The following PLCXD2 variants were observed in gnomAD, a reference collection of about 807,000 sequenced individuals.
PLCXD2 encodes PI-PLC X domain-containing protein 2.
In PLCXD2, 21 loss-of-function variants were observed where a neutral mutation model predicts 28.6. The observed-to-expected ratio is 0.73, with a 90% CI of 0.52 to 1.06. The LOEUF (loss-of-function observed/expected upper bound fraction) is 1.06. Among genes scored for constraint, PLCXD2 ranks in the 50% least tolerant of loss-of-function variants. The pLI is 0.00. For synonymous variants in PLCXD2, 140 were observed against 150.1 expected (o/e 0.93, Z 0.49); for missense variants, 369 against 376.7 (o/e 0.98, Z 0.17).
At chr3:111,701,194 CTAAG>C (rs60953043) in intron 1 of PLCXD2, among the ~76,000 whole-genome samples, 153 of 152,314 alleles carry the variant, frequency 1.0e-3, no homozygotes, top group African/African-American at 3.4e-3. Context: ...TCAGCACTTA[CTAAG>C]TGTCAGTATT....
At chr3:111,695,839 G>C (rs1290231928) in intron 1 of PLCXD2, among the ~76,000 whole-genome samples, 2 of 152,126 alleles carry the variant, frequency 1.3e-5, no homozygotes, top group African/African-American at 4.8e-5. Flanking sequence ...CCTCAGAATG[G>C]GGCACAATTT....
intron 2 of PLCXD2, among the ~76,000 whole-genome samples, chr3:111,709,569 G>A (rs1941172090): frequency 6.6e-6 from 1 of 152,206 alleles, no homozygotes; most frequent in African/African-American, 2.4e-5. Flanking sequence ...CCAGGATTCT[G>A]TGGGTTGGAG....
chr3:111,697,181 G>A (rs1431608819), intron 1 of PLCXD2, among the ~76,000 whole-genome samples: 2 of 152,020 alleles, frequency 1.3e-5, no homozygotes, highest in Non-Finnish European at 2.9e-5. Context: ...AAATCCCATC[G>A]TGTGAGCTAG....
At chr3:111,675,543 T>G (rs527410158) in intron 1 of PLCXD2, 135 bp downstream of exon 1, 5 of 994,686 alleles carry the variant, frequency 5.0e-6, no homozygotes, top group Non-Finnish European at 7.8e-6. Flanking sequence ...ACCAAAAACT[T>G]AACACTGAAG....
At position 111,708,298 on chromosome 3, in the gene PLCXD2, G is replaced by A. The variant is rs367817783; in HGVS notation, c.536G>A (p.Arg179Gln). 36 of 1,613,976 alleles carry A rather than the reference G, an allele frequency of 2.2e-5. No individual in the cohort carries two copies. Among genetic ancestry groups the A allele is most frequent in the Admixed American group, 5.0e-5 (3 of 59,998 alleles). ...ACCCATCACAAATGCCTGGTTCTGC[G>A]GATCCAGGAGGCCTTTGGAAACAAG... is the stretch of plus-strand genomic sequence containing the variant. Residue 179 changes from arginine to glutamine, a missense_variant, in exon 2 of 5, where the codon CGG (arginine) becomes CAG (glutamine). Coordinates refer to ENST00000477665, the MANE Select transcript of PLCXD2 (RefSeq NM_001185106.1).
At chr3:111,680,316 T>C (rs1016829574) in intron 1 of PLCXD2, among the ~76,000 whole-genome samples, 1 of 152,120 alleles carries the variant, frequency 6.6e-6, no homozygotes, top group African/African-American at 2.4e-5. Context: ...AAATAAATTG[T>C]GTAACAAGAA....
chr3:111,700,853 CAG>C (rs1200055270), intron 1 of PLCXD2, among the ~76,000 whole-genome samples: 3 of 151,458 alleles, frequency 2.0e-5, no homozygotes, highest in Admixed American at 6.6e-5. Flanking sequence ...GGCGGGGGGT[CAG>C]GGGCAGAATA....
At chr3:111,702,139 C>G (rs1941052820) in intron 1 of PLCXD2, among the ~76,000 whole-genome samples, 1 of 151,922 alleles carries the variant, frequency 6.6e-6, no homozygotes, top group Admixed American at 6.6e-5. Context: ...GAACAGATCC[C>G]TGGAAAACAT....
At chr3:111,711,546 G>A (rs150424884) in intron 2 of PLCXD2, among the ~76,000 whole-genome samples, 377 of 152,248 alleles carry the variant, frequency 2.5e-3, no homozygotes, top group African/African-American at 8.2e-3. Context: ...AAGCCCCTGC[G>A]TATTTTATTA....
rs147048469 is a variant in PLCXD2, at chr3:111,708,000, C to T, written c.238C>T (p.Arg80Cys). The T allele has an allele frequency of 4.1e-5, 66 of 1,614,030 alleles. No individual in the cohort carries two copies. The highest frequency in any genetic ancestry group is 1.9e-4 in the African/African-American group (14 of 74,904). The change falls in exon 2 of 5, where the codon CGC becomes TGC. Residue 80 changes from arginine (R) to cysteine (C), a missense_variant. Coordinates refer to ENST00000477665, the MANE Select transcript of PLCXD2 (RefSeq NM_001185106.1). ...GCCTGACCAAACCCAAGCTATCAAA[C>T]GCCTCGCCAGGATCTCCTTGGTGAA...
intron 3 of PLCXD2, chr3:111,721,107 C>T (rs7653881): frequency 0.98 from 296,565 of 304,076 alleles, 144,658 homozygotes; most frequent in East Asian, 1. Flanking sequence ...GAAGAAAGCA[C>T]GCTTCATGTG....
chr3:111,709,490 A>G (rs766667713), intron 2 of PLCXD2, among the ~76,000 whole-genome samples: 16 of 152,274 alleles, frequency 1.1e-4, no homozygotes, highest in Non-Finnish European at 1.9e-4. Flanking sequence ...ACACGCACAC[A>G]CACACATAAA....
chr3:111,706,770 G>A (rs1412706932), intron 1 of PLCXD2, among the ~76,000 whole-genome samples: 5 of 147,644 alleles, frequency 3.4e-5, no homozygotes, highest in Admixed American at 3.4e-4. Context: ...CCAAAAGTGT[G>A]CAAATTAGCT....
At chr3:111,714,199 A>G in intron 3 of PLCXD2, 71 bp downstream of exon 3, 1 of 1,512,592 alleles carries the variant, frequency 6.6e-7, no homozygotes, top group South Asian at 1.3e-5. Flanking sequence ...TTCTGAGTAA[A>G]TCGCAGTAAA....
chr3:111,705,872 A>G (rs1261799306), intron 1 of PLCXD2, among the ~76,000 whole-genome samples: 1 of 151,834 alleles, frequency 6.6e-6, no homozygotes. Context: ...AACATCTTAA[A>G]AAGACAGGGT....
intron 3 of PLCXD2, among the ~76,000 whole-genome samples, chr3:111,717,138 C>T (rs1334836639): frequency 2.0e-5 from 3 of 152,034 alleles, no homozygotes; most frequent in Admixed American, 6.5e-5. Context: ...ACAGGGTGGC[C>T]GTGGACAAGT....
chr3:111,713,810 C>T, intron 2 of PLCXD2, 77 bp from the exon 3 acceptor site: 2 of 1,458,616 alleles, frequency 1.4e-6, no homozygotes, highest in Non-Finnish European at 1.9e-6. Context: ...TTTTTCCTAG[C>T]AGTCCGTATA....
At chr3:111,698,618 A>G (rs1489650522) in intron 1 of PLCXD2, among the ~76,000 whole-genome samples, 4 of 152,206 alleles carry the variant, frequency 2.6e-5, no homozygotes, top group Non-Finnish European at 5.9e-5. Flanking sequence ...GTGGTTCCCA[A>G]CCCATTAGTG....
chr3:111,679,647 C>T (rs1355410976), intron 1 of PLCXD2, among the ~76,000 whole-genome samples: 1 of 152,152 alleles, frequency 6.6e-6, no homozygotes. Flanking sequence ...TCACAAATAG[C>T]CACATGAAAC....
Sources: allele counts gnomAD v4.1 joint callset (sites outside exome capture counted in the v4.1 genomes callset), GRCh38; gene constraint gnomAD v4.1.1; transcripts MANE v1.5; gene names NCBI Gene and HGNC (gene_info 2026-07-23, HGNC 2026-07-21).